ARK2C: variants seen among roughly 807,000 people sequenced by gnomAD.
ARK2C encodes arkadia (RNF111) C-terminal like ring finger ubiquitin ligase 2C.
At chr18:46,410,760 G>A in the ARK2C span, among the ~76,000 whole-genome samples, 1 of 152,238 alleles carries the variant, frequency 6.6e-6, no homozygotes, top group Non-Finnish European at 1.5e-5. Flanking sequence ...CATTCCTCTT[G>A]TTCTCATTGG....
the ARK2C span, among the ~76,000 whole-genome samples, chr18:46,422,458 G>C: frequency 0.2 from 30,880 of 152,216 alleles, 3,512 homozygotes; most frequent in East Asian, 0.38. Flanking sequence ...GAGGCTCCCT[G>C]GGGGCCATGT....
the ARK2C span, among the ~76,000 whole-genome samples, chr18:46,418,075 G>A: frequency 2.0e-5 from 3 of 151,816 alleles, no homozygotes; most frequent in South Asian, 6.3e-4. Context: ...AGTGAAAACA[G>A]GCTAAGTGTG....
chr18:46,442,171 A>G, the ARK2C span, among the ~76,000 whole-genome samples: 13 of 151,808 alleles, frequency 8.6e-5, no homozygotes, highest in Non-Finnish European at 1.6e-4. Flanking sequence ...TCAAAAAAAA[A>G]AAAAAGAAAA....
chr18:46,414,393 G>A, the ARK2C span, among the ~76,000 whole-genome samples: 2 of 152,232 alleles, frequency 1.3e-5, no homozygotes, highest in African/African-American at 4.8e-5. Flanking sequence ...ACCCCAGCAG[G>A]CCATGGGGCA....
the ARK2C span, among the ~76,000 whole-genome samples, chr18:46,454,550 T>C: frequency 6.6e-6 from 1 of 152,148 alleles, no homozygotes; most frequent in African/African-American, 2.4e-5. Context: ...GCAGAACAAA[T>C]AGATTTTCTT....
At chr18:46,430,001 C>T in the ARK2C span, among the ~76,000 whole-genome samples, 2 of 152,182 alleles carry the variant, frequency 1.3e-5, no homozygotes, top group East Asian at 1.9e-4. Flanking sequence ...CCAGAGTCCC[C>T]GCCCTCCTGC....
chr18:46,447,775 C>A, the ARK2C span: 1 of 1,526,224 alleles, frequency 6.6e-7, no homozygotes, highest in Non-Finnish European at 9.1e-7. Context: ...GCCCTGGCTG[C>A]TACATGGCCT....
chr18:46,437,996 G>A, the ARK2C span, among the ~76,000 whole-genome samples: 1 of 152,218 alleles, frequency 6.6e-6, no homozygotes, highest in African/African-American at 2.4e-5. Flanking sequence ...CCCATAGGAT[G>A]GTGCTGGCAC....
chr18:46,398,777 C>G, the ARK2C span, among the ~76,000 whole-genome samples: 3 of 152,044 alleles, frequency 2.0e-5, no homozygotes, highest in Non-Finnish European at 4.4e-5. Context: ...TCGGGCTCCT[C>G]CCTCATGGCT....
At chr18:46,451,732 G>A in the ARK2C span, among the ~76,000 whole-genome samples, 1 of 152,172 alleles carries the variant, frequency 6.6e-6, no homozygotes, top group Admixed American at 6.5e-5. Context: ...TTGAGCCCAG[G>A]AGTTTGAGGC....
chr18:46,427,046 C>T, the ARK2C span, among the ~76,000 whole-genome samples: 11 of 152,160 alleles, frequency 7.2e-5, no homozygotes, highest in African/African-American at 2.4e-4. Flanking sequence ...TGTTACAGAC[C>T]CTACATGATT....
At chr18:46,390,970 G>T in the ARK2C span, among the ~76,000 whole-genome samples, 3 of 152,198 alleles carry the variant, frequency 2.0e-5, no homozygotes, top group Admixed American at 6.5e-5. Flanking sequence ...ATAAAAGGGT[G>T]TCATTGGGAT....
At chr18:46,369,393 G>C in the ARK2C span, among the ~76,000 whole-genome samples, 6 of 152,118 alleles carry the variant, frequency 3.9e-5, no homozygotes, top group African/African-American at 1.4e-4. Context: ...GGGTGGCAGG[G>C]GGGTGGGAGA....
At chr18:46,353,042 G>C in the ARK2C span, among the ~76,000 whole-genome samples, 6 of 152,242 alleles carry the variant, frequency 3.9e-5, no homozygotes, top group African/African-American at 1.4e-4. Context: ...TAGGAAGTGA[G>C]AAGCCATCCT....
chr18:46,435,956 T>G, the ARK2C span, among the ~76,000 whole-genome samples: 1 of 152,110 alleles, frequency 6.6e-6, no homozygotes, highest in Non-Finnish European at 1.5e-5. Context: ...GAGGGTGGTG[T>G]TGTTGCTGAG....
chr18:46,385,020 C>A, the ARK2C span, among the ~76,000 whole-genome samples: 5,894 of 152,300 alleles, frequency 0.039, 373 homozygotes, highest in African/African-American at 0.13. Context: ...TTCCCTCCCC[C>A]TCAAAGATTT....
the ARK2C span, among the ~76,000 whole-genome samples, chr18:46,399,496 G>A: frequency 1.3e-5 from 2 of 152,186 alleles, no homozygotes; most frequent in Non-Finnish European, 2.9e-5. Context: ...GGATTTGCTC[G>A]TGTTGCTGTG....
At chr18:46,383,122 G>T in the ARK2C span, among the ~76,000 whole-genome samples, 1 of 152,242 alleles carries the variant, frequency 6.6e-6, no homozygotes, top group African/African-American at 2.4e-5. Flanking sequence ...AGCCTAGGCC[G>T]GGGTAGGTGC....
the ARK2C span, among the ~76,000 whole-genome samples, chr18:46,372,984 G>T: frequency 6.6e-6 from 1 of 152,348 alleles, no homozygotes; most frequent in East Asian, 1.9e-4. Flanking sequence ...GGACCCTCCT[G>T]CTGGGAAACT....
Sources: allele counts gnomAD v4.1 joint callset (sites outside exome capture counted in the v4.1 genomes callset), GRCh38; gene constraint gnomAD v4.1.1; transcripts MANE v1.5; gene names NCBI Gene and HGNC (gene_info 2026-07-23, HGNC 2026-07-21).